Variants in CEP131 observed in about 807,000 individuals in gnomAD.
The protein encoded by CEP131 is centrosomal protein 131, also known as centrosomal protein of 131 kDa.
A neutral mutation model predicts 136.8 loss-of-function variants in CEP131; 99 were observed. The observed-to-expected ratio is 0.72, with a 90% CI of 0.62 to 0.86. The LOEUF is 0.86. Among genes scored for constraint, CEP131 ranks in the 40% least tolerant of loss-of-function variants. The probability of loss-of-function intolerance (pLI) is 0.00; values close to 1 mark genes in which losing one functional copy is unlikely to be tolerated. For missense variants in CEP131, 1,459 were observed against 1,463.0 expected, an observed-to-expected ratio of 1.00 and a Z score of 0.04; for synonymous variants, 646 against 612.7, an observed-to-expected ratio of 1.05 and a Z score of -0.80.
chr17:81,193,137 G>A (rs571726335), intron 18 of CEP131, among the ~76,000 whole-genome samples: 61 of 152,344 alleles, frequency 4.0e-4, no homozygotes, highest in African/African-American at 1.4e-3. Flanking sequence ...CCCTCAGCCC[G>A]TGTGCCGGCC....
chr17:81,211,950 G>A (rs114057250), intron 2 of CEP131, among the ~76,000 whole-genome samples: 3,132 of 137,460 alleles, frequency 0.023, 111 homozygotes, highest in African/African-American at 0.081. Flanking sequence ...AAAAAAAAAA[G>A]AAAAAATAGA....
Position 81,219,809 on chromosome 17 carries a change from G to T in CEP131, c.177+71C>A. On this transcript the variant is annotated intron_variant, in intron 2 of 25. Transcript: ENST00000450824. The surrounding 1 kb of genome is among the most constrained non-coding windows in gnomAD (Gnocchi z 4.0). ...TTGTTCACCTGTGGAGCTGGACCCA[G>T]GGGTCAGATGCCAACTGAACAACAG... 1 of 1,426,020 alleles carries T rather than the reference G, an allele frequency of 7.0e-7. No homozygotes were observed. The highest frequency in any genetic ancestry group is 1.5e-5 in the South Asian group (1 of 66,980). 88.3% of individuals were successfully genotyped at this position (1,426,020 alleles called of 1,614,324 possible). A position where few individuals can be genotyped will look rare whatever the true frequency, so the allele number is the denominator to read the frequency against.
chr17:81,196,016 G>A, intron 15 of CEP131, 65 bp from the exon 16 acceptor site: 1 of 1,382,254 alleles, frequency 7.2e-7, no homozygotes, highest in Admixed American at 1.8e-5. Flanking sequence ...CCCTGATGGA[G>A]GAGACCCTCC....
At position 81,199,680 on chromosome 17, in the gene CEP131, G is replaced by A. The variant is rs779937128; in HGVS notation, c.1023+39C>T. ...CAGCAGCCCCGCACGGTCAGGCCTG[G>A]GCCACGGTGCTGCTCAGTGGTCCCT... is the stretch of plus-strand genomic sequence containing the variant. On this transcript the variant is annotated intron_variant, in intron 9 of 25. Coordinates refer to ENST00000450824, the MANE Select transcript of CEP131 (RefSeq NM_014984.4). 6 of 1,602,558 alleles carry A rather than the reference G, an allele frequency of 3.7e-6. No homozygotes were observed. The East Asian group carries it at 1.1e-4, about 30-fold the overall frequency.
Position 81,199,374 on chromosome 17 carries a change from C to T in CEP131, c.1192+7G>A, listed in dbSNP as rs1433040963. On this transcript the variant is annotated splice_region_variant and intron_variant, in intron 10 of 25. Coordinates refer to ENST00000450824, the MANE Select transcript of CEP131 (RefSeq NM_014984.4). ...CCAGAGCAGGGCGGGCGTGGAGCCA[C>T]TCTCACCAGTATTGTTGGCCTTGAG... 1.3e-6 allele frequency: 2 copies of T among 1,597,582 alleles called. No individual in the cohort carries two copies. Among genetic ancestry groups the T allele is most frequent in the South Asian group, 2.3e-5 (2 of 88,690 alleles).
chr17:81,202,286 T>A lies in CEP131; in HGVS notation c.742A>T (p.Thr248Ser), dbSNP rs781253570. 6.2e-7 allele frequency: 1 copy of A among 1,604,808 alleles called. No individual in the cohort carries two copies. Among genetic ancestry groups the A allele is most frequent in the Non-Finnish European group, 8.5e-7 (1 of 1,174,510 alleles). Residue 248 changes from threonine to serine, a missense_variant, in exon 7 of 26, where the codon ACG (threonine) becomes TCG (serine). This residue lies in a region of CEP131 where 246 missense variants were observed against 318.9 expected (regional missense o/e 0.77). Transcript: ENST00000450824. Reference sequence around the variant, plus strand: ...ACCTCCTTCCGCCTGGGCAAGCCCGTGCTGCCCCCAGTATTGTTCCGGGCT... The same window carrying A: ...ACCTCCTTCCGCCTGGGCAAGCCCGAGCTGCCCCCAGTATTGTTCCGGGCT... ...HSARNNTGGS[T>S]GLPRRKEVTE...
At chr17:81,210,027 AG>A (rs1385684456) in intron 2 of CEP131, among the ~76,000 whole-genome samples, 29,008 of 89,700 alleles carry the variant, frequency 0.32, 7,023 homozygotes, top group Non-Finnish European at 0.35. Flanking sequence ...CGAGGATCAG[AG>A]CGCTCGGAGA....
intron 2 of CEP131, among the ~76,000 whole-genome samples, chr17:81,218,699 G>A (rs1212865319): frequency 1.3e-5 from 2 of 152,322 alleles, no homozygotes; most frequent in East Asian, 3.9e-4. Flanking sequence ...TGGCCCGGCT[G>A]CCCTTACCCC....
Position 81,189,995 on chromosome 17 carries a change from G to C in CEP131, c.3108-20C>G. On this transcript the variant is annotated intron_variant, in intron 24 of 25. Coordinates refer to ENST00000450824, the MANE Select transcript of CEP131 (RefSeq NM_014984.4). ...TTCACCCTGTGGGTAGTACATGGTA[G>C]GCTTCAGTGTGGCCCCCGCCCCATG... The C allele has an allele frequency of 6.3e-7, 1 of 1,592,556 alleles. No individual in the cohort carries two copies. Among genetic ancestry groups the C allele is most frequent in the Non-Finnish European group, 8.6e-7 (1 of 1,165,134 alleles).
chr17:81,218,017 C>T (rs1324549150), intron 2 of CEP131, among the ~76,000 whole-genome samples: 1 of 150,322 alleles, frequency 6.7e-6, no homozygotes, highest in East Asian at 2.0e-4. Flanking sequence ...CTCTCCCTCT[C>T]CCTCCCCCTC....
rs2061720638 is a variant in CEP131, at chr17:81,194,891, T to C, written c.2098A>G (p.Ile700Val). 1 of 1,613,168 alleles carries C rather than the reference T, an allele frequency of 6.2e-7. No individual in the cohort carries two copies. Among genetic ancestry groups the C allele is most frequent in the African/African-American group, 1.3e-5 (1 of 74,848 alleles). ...EKWISEKTKK[I>V]KEVTVRGLEP... Reference sequence around the variant, plus strand: ...CCACCTCGGACAGTGACCTCCTTGATCTTCTTGGTTTTCTCACTGATCCAC... The same window carrying C: ...CCACCTCGGACAGTGACCTCCTTGACCTTCTTGGTTTTCTCACTGATCCAC... Residue 700 changes from isoleucine to valine, a missense_variant, in exon 17 of 26, where the codon ATC (isoleucine) becomes GTC (valine). Transcript: ENST00000450824.
rs1374427195 is a variant in CEP131 at position 81,197,859 on chromosome 17, G to A, written c.1500C>T (p.Asp500=). The A allele has an allele frequency of 6.2e-7, 1 of 1,613,044 alleles. No homozygotes were observed. The highest frequency in any genetic ancestry group is 2.2e-5 in the East Asian group (1 of 44,878). Reference sequence around the variant, plus strand: ...TGAGTTTTCCAAATTTCTCCAAGTTGTCAGCTGTCAGAGAGCTGGCGTCAT... The same window carrying A: ...TGAGTTTTCCAAATTTCTCCAAGTTATCAGCTGTCAGAGAGCTGGCGTCAT... The part of the protein sequence containing the change: ...EEDDASSLTA[D]NLEKFGKLSA... The change falls in exon 13 of 26, where the codon GAC becomes GAT. Residue 500 remains aspartate, a synonymous_variant. Transcript: ENST00000450824.
chr17:81,199,309 C>T lies in CEP131; in HGVS notation c.1192+72G>A, dbSNP rs189186887. On this transcript the variant is annotated intron_variant, in intron 10 of 25. Transcript: ENST00000450824. ...GCAGCACAGGAGGCCGAGAGGAGGT[C>T]CACAAGGGCTGCACTTCCTTCCTGG... 978 of 1,465,574 alleles carry T rather than the reference C, an allele frequency of 6.7e-4. 6 individuals are homozygous for T. The African/African-American group carries it at 0.012, about 18-fold the overall frequency. 90.8% of individuals were successfully genotyped at this position (1,465,574 alleles called of 1,614,324 possible). A position where few individuals can be genotyped will look rare whatever the true frequency, so the allele number is the denominator to read the frequency against.
intron 5 of CEP131, chr17:81,204,096 G>C (rs369265998): frequency 6.4e-6 from 1 of 155,178 alleles, no homozygotes; most frequent in East Asian, 1.9e-4. Context: ...AGAAACAGAA[G>C]GGCCAGCAGA....
rs1206528334 is a variant in CEP131 at position 81,207,127 on chromosome 17, G to A, written c.385C>T (p.Leu129=). 1 of 1,611,854 alleles carries A rather than the reference G, an allele frequency of 6.2e-7. No individual in the cohort carries two copies. Among genetic ancestry groups the A allele is most frequent in the South Asian group, 1.1e-5 (1 of 90,916 alleles). ...TGGGGCCGCATGCACCACCTTACCAGGACGTTCCAGGTGGCTCCCTTCTCG... is the reference window on the plus strand; with the variant it reads ...TGGGGCCGCATGCACCACCTTACCAAGACGTTCCAGGTGGCTCCCTTCTCG... The part of the protein sequence containing the change: ...PSEKGATWNV[L]DDQPRGFTLP... The change falls in exon 4 of 26, where the codon CTG becomes TTG. Residue 129 remains leucine (L), a splice_region_variant and synonymous_variant. Coordinates refer to ENST00000450824, the MANE Select transcript of CEP131 (RefSeq NM_014984.4).
intron 7 of CEP131, 125 bp downstream of exon 7, chr17:81,202,114 AT>A: frequency 1.6e-6 from 1 of 613,958 alleles, no homozygotes; most frequent in South Asian, 3.4e-5. Context: ...AAAAAAAAAA[AT>A]TAAATTAAAA....
Position 81,196,974 on chromosome 17 carries a change from C to T in CEP131, c.1729G>A (p.Val577Met), listed in dbSNP as rs1441992490. The change falls in exon 14 of 26, where the codon GTG (valine) becomes ATG (methionine). Residue 577 changes from valine (V) to methionine (M), a missense_variant. This residue lies in a region of CEP131 where 1,026 missense variants were observed against 964.2 expected (regional missense o/e 1.06). Coordinates refer to ENST00000450824, the MANE Select transcript of CEP131 (RefSeq NM_014984.4). ...AGCATGGCCTGCTTCTTCTCCTCCACCTCCAGCTTCAGCCGCATCACAGAC... is the reference window on the plus strand; with the variant it reads ...AGCATGGCCTGCTTCTTCTCCTCCATCTCCAGCTTCAGCCGCATCACAGAC... Reference protein sequence around the residue: ...STSVMRLKLEVEEKKQAMLLL... With the variant: ...STSVMRLKLEMEEKKQAMLLL... 2 of 1,607,790 alleles carry T rather than the reference C, an allele frequency of 1.2e-6. No homozygotes were observed. The highest frequency in any genetic ancestry group is 1.1e-5 in the South Asian group (1 of 89,846).
At chr17:81,205,828 G>C (rs2061997519) in intron 5 of CEP131, among the ~76,000 whole-genome samples, 1 of 152,152 alleles carries the variant, frequency 6.6e-6, no homozygotes, top group African/African-American at 2.4e-5. Context: ...GAGCCCAGGA[G>C]GTAGAGGCTG....
At chr17:81,190,437 T>C (rs1253631893) in intron 24 of CEP131, among the ~76,000 whole-genome samples, 2 of 152,150 alleles carry the variant, frequency 1.3e-5, no homozygotes, top group African/African-American at 4.8e-5. Flanking sequence ...GCCGACACCC[T>C]AGACTAAGCA....
Sources: gnomAD v4.1 joint callset for allele counts (sites outside exome capture counted in the v4.1 genomes callset) on GRCh38, gnomAD v4.1.1 for gene constraint, gnomAD v4.1.1 regional missense constraint, Gnocchi (gnomAD v3.1) non-coding constraint, MANE v1.5 for transcripts, NCBI Gene and HGNC (gene_info 2026-07-23, HGNC 2026-07-21) for gene names.